NCMAP: variants seen among roughly 807,000 people sequenced by gnomAD.
The protein encoded by NCMAP is noncompact myelin-associated protein.
A neutral mutation model predicts 7.8 loss-of-function variants in NCMAP; 8 were observed. The observed-to-expected ratio is 1.02, with a 90% CI of 0.60 to 1.84. NCMAP has a LOEUF of 1.84. Among genes scored for constraint, NCMAP ranks in the 40% most tolerant of loss-of-function variants. The pLI is 0.00. For missense variants in NCMAP, 112 were observed against 131.4 expected (o/e 0.85, Z 0.72); for synonymous variants, 41 against 52.9 (o/e 0.78, Z 0.98).
At chr1:24,564,513 C>CAAAAAAAAAA (rs1184189345) in intron 1 of NCMAP, among the ~76,000 whole-genome samples, 11 of 50,002 alleles carry the variant, frequency 2.2e-4, no homozygotes, top group East Asian at 5.3e-4. Context: ...GATTCTGTCT[C>CAAAAAAAAAA]AAAAAAAAAA....
chr1:24,585,770 G>C (rs1651865354), intron 1 of NCMAP, among the ~76,000 whole-genome samples: 1 of 152,092 alleles, frequency 6.6e-6, no homozygotes, highest in Admixed American at 6.5e-5. Context: ...TTCTCTTTGG[G>C]GGAGATTTCA....
chr1:24,565,798 C>T (rs1651212534), intron 1 of NCMAP, among the ~76,000 whole-genome samples: 1 of 152,060 alleles, frequency 6.6e-6, no homozygotes. Context: ...TGGGGTCTCA[C>T]TCTGTTGCCC....
At chr1:24,570,809 T>C (rs1232076026) in intron 1 of NCMAP, among the ~76,000 whole-genome samples, 1 of 151,018 alleles carries the variant, frequency 6.6e-6, no homozygotes, top group African/African-American at 2.5e-5. Flanking sequence ...CGATCCTTGC[T>C]CAGTGCCACA....
At position 24,607,464 on chromosome 1, in the gene NCMAP, T is replaced by C. The variant is rs1439441708; in HGVS notation, c.*1717T>C. 6.7e-6 allele frequency: 1 copy of C among 149,710 alleles called. No individual in the cohort carries two copies. The highest frequency in any genetic ancestry group is 1.5e-5 in the Non-Finnish European group (1 of 67,260). 9.3% of individuals were successfully genotyped at this position (149,710 alleles called of 1,614,324 possible). A position where few individuals can be genotyped will look rare whatever the true frequency, so the allele number is the denominator to read the frequency against. On this transcript the variant is annotated 3_prime_UTR_variant, in exon 4 of 4. Transcript: ENST00000374392. The stretch of plus-strand genomic sequence containing the variant: ...TCTCAAAAACTTGTGATCTTATAAT[T>C]GATGGCATCTTGGAAACAAGGTAAT...
At chr1:24,597,682 G>GAAAGAAAAGAA (rs1652306774) in intron 2 of NCMAP, among the ~76,000 whole-genome samples, 1 of 133,460 alleles carries the variant, frequency 7.5e-6, no homozygotes, top group Non-Finnish European at 1.7e-5. Flanking sequence ...AAAAGAAAAA[G>GAAAGAAAAGAA]AAAGAAAGAA....
chr1:24,573,111 G>C (rs1377712831), intron 1 of NCMAP, among the ~76,000 whole-genome samples: 1 of 150,558 alleles, frequency 6.6e-6, no homozygotes, highest in African/African-American at 2.5e-5. Flanking sequence ...ACACCTCCAC[G>C]CCTGTCTATG....
At chr1:24,574,794 C>CTTT (rs772381377) in intron 1 of NCMAP, among the ~76,000 whole-genome samples, 1 of 131,830 alleles carries the variant, frequency 7.6e-6, no homozygotes. Context: ...GCCCGCAATA[C>CTTT]TTTTTTTTTT....
At chr1:24,584,155 C>T (rs182546151) in intron 1 of NCMAP, among the ~76,000 whole-genome samples, 130 of 152,276 alleles carry the variant, frequency 8.5e-4, no homozygotes, top group Non-Finnish European at 1.7e-3. Context: ...ACAGGGACAG[C>T]GGGACACCTG....
At chr1:24,572,579 C>T (rs1651420765) in intron 1 of NCMAP, among the ~76,000 whole-genome samples, 1 of 150,728 alleles carries the variant, frequency 6.6e-6, no homozygotes, top group South Asian at 2.1e-4. Context: ...CCCACAGAGG[C>T]ACACTCGCTT....
At chr1:24,575,978 CT>C (rs751815010) in intron 1 of NCMAP, among the ~76,000 whole-genome samples, 53 of 151,128 alleles carry the variant, frequency 3.5e-4, no homozygotes, top group Non-Finnish European at 3.1e-4. Context: ...AAGAAAGCGC[CT>C]TGCCCACAGT....
At chr1:24,603,190 G>A (rs1339020998) in intron 3 of NCMAP, among the ~76,000 whole-genome samples, 1 of 151,896 alleles carries the variant, frequency 6.6e-6, no homozygotes, top group African/African-American at 2.4e-5. Context: ...CGCACGAGGT[G>A]GGTACTACTA....
chr1:24,561,341 CTG>C (rs1214718267), intron 1 of NCMAP, among the ~76,000 whole-genome samples: 1 of 151,934 alleles, frequency 6.6e-6, no homozygotes, highest in Non-Finnish European at 1.5e-5. Flanking sequence ...GAGTGAAAGT[CTG>C]TTTCAAAAAA....
chr1:24,582,965 T>G (rs1250327458), intron 1 of NCMAP, among the ~76,000 whole-genome samples: 1 of 152,164 alleles, frequency 6.6e-6, no homozygotes, highest in Non-Finnish European at 1.5e-5. Flanking sequence ...TAAAAGACAC[T>G]TGATCAATGG....
At chr1:24,595,565 T>C (rs12353957) in intron 2 of NCMAP, 53 bp downstream of exon 2, 272,283 of 1,419,434 alleles carry the variant, frequency 0.19, 26,333 homozygotes, top group East Asian at 0.22. Context: ...ACCAGTGTCA[T>C]GGTCATAGTG....
intron 1 of NCMAP, among the ~76,000 whole-genome samples, chr1:24,573,097 T>C (rs1400562767): frequency 6.6e-6 from 1 of 150,536 alleles, no homozygotes; most frequent in Non-Finnish European, 1.5e-5. Context: ...CAGGCCCTGC[T>C]CACACACCTC....
intron 1 of NCMAP, among the ~76,000 whole-genome samples, chr1:24,583,717 GAA>G (rs71032830): frequency 0.26 from 26,960 of 104,000 alleles, 2,743 homozygotes; most frequent in Middle Eastern, 0.31. Context: ...CTCCGTCTCA[GAA>G]AAAAAAAAAA....
intron 1 of NCMAP, among the ~76,000 whole-genome samples, chr1:24,566,308 C>A (rs1286457774): frequency 3.3e-5 from 5 of 152,160 alleles, no homozygotes. Context: ...GTGGTCTAAG[C>A]AGTCACAGGG....
intron 1 of NCMAP, among the ~76,000 whole-genome samples, chr1:24,590,915 T>A (rs1228541337): frequency 6.6e-6 from 1 of 152,176 alleles, no homozygotes; most frequent in Non-Finnish European, 1.5e-5. Context: ...GAAAAACACT[T>A]TCCATACCCC....
At chr1:24,583,752 C>A (rs1651803350) in intron 1 of NCMAP, among the ~76,000 whole-genome samples, 1 of 148,830 alleles carries the variant, frequency 6.7e-6, no homozygotes, top group Non-Finnish European at 1.5e-5. Flanking sequence ...AGCAGGTGAG[C>A]AGAATCCTTC....
Sources: gnomAD v4.1 joint callset for allele counts (sites outside exome capture counted in the v4.1 genomes callset) on GRCh38, gnomAD v4.1.1 for gene constraint, MANE v1.5 for transcripts, NCBI Gene and HGNC (gene_info 2026-07-23, HGNC 2026-07-21) for gene names.